Variants in CHMP3 observed in about 807,000 individuals in gnomAD.
CHMP3 encodes charged multivesicular body protein 3.
Under a neutral mutation model 27.4 loss-of-function variants are expected in CHMP3, and 8 were observed. That is an observed-to-expected ratio of 0.29 (90% CI 0.17 to 0.53). CHMP3 has a LOEUF of 0.53. CHMP3 is among the 20% of genes least tolerant of loss of function. The pLI is 0.96. For synonymous variants in CHMP3, 86 were observed against 85.5 expected (o/e 1.01, Z -0.03); for missense variants, 208 against 271.5 (o/e 0.77, Z 1.64).
chr2:86,554,827 G>C (rs1423329872), intron 1 of CHMP3, among the ~76,000 whole-genome samples: 3 of 146,988 alleles, frequency 2.0e-5, no homozygotes, highest in Non-Finnish European at 4.5e-5. Flanking sequence ...GTGTGTGTGT[G>C]TGTGTGTGTG....
rs191302000 is a variant in CHMP3 at position 86,538,392 on chromosome 2, T to C, written c.106+3860A>G. 3.9e-5 allele frequency among the ~76,000 whole-genome samples: 6 copies of C among 152,322 alleles called. No homozygotes were observed. The East Asian group carries it at 1.2e-3, about 29-fold the overall frequency. On this transcript the variant is annotated intron_variant, in intron 2 of 5. Transcript: ENST00000263856. ...ATGAATGCACCTAATGCCACTGAAC[T>C]GTACACTTAAAAATGGTTAAGATGG...
intron 2 of CHMP3, among the ~76,000 whole-genome samples, chr2:86,538,080 C>G (rs1188344272): frequency 2.0e-5 from 3 of 152,120 alleles, no homozygotes; most frequent in Non-Finnish European, 4.4e-5. Flanking sequence ...CGGAATATTA[C>G]TCAGCCTTAA....
intron 1 of CHMP3, among the ~76,000 whole-genome samples, chr2:86,552,141 A>C (rs567731473): frequency 5.3e-5 from 8 of 152,340 alleles, no homozygotes; most frequent in African/African-American, 1.9e-4. Flanking sequence ...CAAATGTATA[A>C]GTTTTTCAGT....
intron 2 of CHMP3, among the ~76,000 whole-genome samples, chr2:86,533,297 C>G (rs1332776654): frequency 6.6e-6 from 1 of 152,154 alleles, no homozygotes; most frequent in Non-Finnish European, 1.5e-5. Flanking sequence ...TTAGTACTTT[C>G]AACTTTCTCT....
intron 2 of CHMP3, among the ~76,000 whole-genome samples, chr2:86,540,114 T>C (rs1248813235): frequency 1.3e-5 from 2 of 152,080 alleles, no homozygotes; most frequent in Non-Finnish European, 2.9e-5. Context: ...TGGGGGGTTA[T>C]CTTTTCGGTT....
chr2:86,538,245 T>C (rs1676224069), intron 2 of CHMP3, among the ~76,000 whole-genome samples: 1 of 152,154 alleles, frequency 6.6e-6, no homozygotes, highest in Non-Finnish European at 1.5e-5. Flanking sequence ...GAAAGTAGAA[T>C]AGTGGTTACC....
intron 1 of CHMP3, among the ~76,000 whole-genome samples, chr2:86,560,025 G>A (rs911428347): frequency 2.6e-5 from 4 of 152,092 alleles, no homozygotes; most frequent in Non-Finnish European, 4.4e-5. Flanking sequence ...CCAGACTTTC[G>A]GAGGCCAAGG....
rs578115752 is a variant in CHMP3, at chr2:86,523,088, T to C, written c.286+6130A>G. On this transcript the variant is annotated intron_variant, in intron 3 of 5. Coordinates refer to ENST00000263856, the MANE Select transcript of CHMP3 (RefSeq NM_016079.4). ...ATTTTGAACTTGTCTTGGAGAAGCATTGCTCTCCTAACAGCTGTAAAAATT... is the reference window on the plus strand; with the variant it reads ...ATTTTGAACTTGTCTTGGAGAAGCACTGCTCTCCTAACAGCTGTAAAAATT... 1.4e-3 allele frequency among the ~76,000 whole-genome samples: 209 copies of C among 152,330 alleles called. 1 individual carries two copies. The highest frequency in any genetic ancestry group is 6.8e-3 in the Middle Eastern group (2 of 294).
intron 1 of CHMP3, among the ~76,000 whole-genome samples, chr2:86,543,666 T>C (rs1273328657): frequency 6.6e-6 from 1 of 152,220 alleles, no homozygotes; most frequent in South Asian, 2.1e-4. Context: ...AATATATACA[T>C]AGTTTACCAC....
chr2:86,557,311 T>G, intron 1 of CHMP3, among the ~76,000 whole-genome samples: 1 of 152,182 alleles, frequency 6.6e-6, no homozygotes, highest in East Asian at 1.9e-4. Flanking sequence ...TTCAGCAAAT[T>G]CTGACTATCT....
intron 2 of CHMP3, among the ~76,000 whole-genome samples, chr2:86,530,130 T>C (rs1159337405): frequency 7.2e-5 from 11 of 152,076 alleles, no homozygotes; most frequent in Non-Finnish European, 1.3e-4. Flanking sequence ...GTAGCTGGGA[T>C]TACAAGCACC....
At chr2:86,552,738 T>TG in intron 1 of CHMP3, among the ~76,000 whole-genome samples, 1 of 152,330 alleles carries the variant, frequency 6.6e-6, no homozygotes, top group East Asian at 1.9e-4. Flanking sequence ...GAGGCATTCT[T>TG]GCTAAAATTG....
Position 86,505,796 on chromosome 2 carries a change from G to C in CHMP3, c.*8C>G, listed in dbSNP as rs1433546591. On this transcript the variant is annotated 3_prime_UTR_variant, in exon 6 of 6. Transcript: ENST00000263856. ...GAGTGTGTGCACACCCAGCGGGGTA[G>C]GCAGCCCCTAGCTGCGGAGTGTGGC... 7 of 1,571,104 alleles carry C rather than the reference G, an allele frequency of 4.5e-6. No individual in the cohort carries two copies. In the African/African-American group the frequency reaches 6.8e-5, roughly 15 times the overall value.
intron 2 of CHMP3, among the ~76,000 whole-genome samples, chr2:86,530,151 C>T (rs1200503723): frequency 6.6e-6 from 1 of 152,128 alleles, no homozygotes; most frequent in Non-Finnish European, 1.5e-5. Context: ...CACCACGATG[C>T]CTGGCTAATT....
At chr2:86,552,034 A>G (rs1676924279) in intron 1 of CHMP3, among the ~76,000 whole-genome samples, 1 of 152,242 alleles carries the variant, frequency 6.6e-6, no homozygotes, top group Non-Finnish European at 1.5e-5. Context: ...TTCACAAATC[A>G]TACCAGGATA....
chr2:86,522,360 T>C (rs1441698794), intron 3 of CHMP3, among the ~76,000 whole-genome samples: 1 of 152,138 alleles, frequency 6.6e-6, no homozygotes, highest in Non-Finnish European at 1.5e-5. Flanking sequence ...CCAAGTTCTA[T>C]CCTCGTACCT....
At chr2:86,559,576 T>C (rs1429490552) in intron 1 of CHMP3, among the ~76,000 whole-genome samples, 2 of 152,260 alleles carry the variant, frequency 1.3e-5, no homozygotes, top group Non-Finnish European at 1.5e-5. Context: ...CAAAACACTT[T>C]CTTTGTTCAC....
chr2:86,549,296 G>C (rs1676768155), intron 1 of CHMP3, among the ~76,000 whole-genome samples: 1 of 145,164 alleles, frequency 6.9e-6, no homozygotes, highest in Non-Finnish European at 1.5e-5. Flanking sequence ...CTCCCAGACG[G>C]GGCGGCCGGG....
At chr2:86,521,366 T>C (rs1237007088) in intron 3 of CHMP3, among the ~76,000 whole-genome samples, 1 of 152,232 alleles carries the variant, frequency 6.6e-6, no homozygotes, top group Non-Finnish European at 1.5e-5. Context: ...CACTCACACC[T>C]ACCCCACTGC....
Sources: allele counts gnomAD v4.1 joint callset (sites outside exome capture counted in the v4.1 genomes callset), GRCh38; gene constraint gnomAD v4.1.1; transcripts MANE v1.5; gene names NCBI Gene and HGNC (gene_info 2026-07-23, HGNC 2026-07-21).